Variants in RASSF8 observed in about 807,000 individuals in gnomAD.
The protein encoded by RASSF8 is ras association domain-containing protein 8.
In RASSF8, 22 loss-of-function variants were observed where a neutral mutation model predicts 48.5. The observed-to-expected ratio is 0.45, with a 90% confidence interval of 0.32 to 0.65. The LOEUF is 0.65. Among genes scored for constraint, RASSF8 ranks in the 30% least tolerant of loss-of-function variants. The pLI, the probability that RASSF8 is intolerant of heterozygous loss-of-function variation, is 0.03. For missense variants in RASSF8, 418 were observed against 489.2 expected, an observed-to-expected ratio of 0.85 and a Z score of 1.37; for synonymous variants, 127 against 171.5, an observed-to-expected ratio of 0.74 and a Z score of 2.03.
intron 2 of RASSF8, among the ~76,000 whole-genome samples, chr12:25,996,308 A>G (rs893419303): frequency 6.6e-6 from 1 of 152,234 alleles, no homozygotes; most frequent in Non-Finnish European, 1.5e-5. Flanking sequence ...TATGTAGTAC[A>G]ATTGACTAAA....
In RASSF8 at chr12:26,070,039, A is replaced by G; in HGVS notation, c.*1221A>G. 1.0e-6 allele frequency: 1 copy of G among 982,886 alleles called. No individual in the cohort carries two copies. Among genetic ancestry groups the G allele is most frequent in the Non-Finnish European group, 1.2e-6 (1 of 827,566 alleles). 60.9% of individuals were successfully genotyped at this position (982,886 alleles called of 1,614,324 possible). On this transcript the variant is annotated 3_prime_UTR_variant, in exon 6 of 6. Transcript: ENST00000689635. The stretch of plus-strand genomic sequence containing the variant: ...CTTTTTGATGAGTAGTGACTTAACT[A>G]AGATTTACAAGTAATATTTAGACAG...
intron 1 of RASSF8, among the ~76,000 whole-genome samples, chr12:25,965,389 A>C (rs533479847): frequency 4.3e-4 from 53 of 123,898 alleles, no homozygotes; most frequent in African/African-American, 1.5e-3. Flanking sequence ...TTTTTGAGAC[A>C]GGGTCTTGCT....
At chr12:26,043,095 A>G (rs1268645415) in intron 2 of RASSF8, among the ~76,000 whole-genome samples, 11 of 152,142 alleles carry the variant, frequency 7.2e-5, no homozygotes, top group Admixed American at 5.9e-4. Context: ...GCCAGCCACT[A>G]TGCTGAGGGG....
At position 26,054,320 on chromosome 12, in the gene RASSF8, G is replaced by A. The variant is rs142663425; in HGVS notation, c.-108-916G>A. On this transcript the variant is annotated intron_variant, in intron 2 of 5. Coordinates refer to ENST00000689635, the MANE Select transcript of RASSF8 (RefSeq NM_001394098.1). ...CGATACAGGAAATAAAGAATATTTGGTTTGACTATATGACAAAGTAAAAAT... is the reference window on the plus strand; with the variant it reads ...CGATACAGGAAATAAAGAATATTTGATTTGACTATATGACAAAGTAAAAAT... 1.8e-3 allele frequency among the ~76,000 whole-genome samples: 273 copies of A among 152,212 alleles called. 2 individuals carry two copies. Among genetic ancestry groups the A allele is most frequent in the African/African-American group, 6.2e-3 (259 of 41,536 alleles).
At chr12:25,970,320 C>G (rs1268292848) in intron 1 of RASSF8, among the ~76,000 whole-genome samples, 2 of 152,254 alleles carry the variant, frequency 1.3e-5, no homozygotes, top group African/African-American at 4.8e-5. Context: ...GTGTCAGTTT[C>G]TCGGGATCAG....
chr12:26,028,658 T>G (rs1486021645), intron 2 of RASSF8, among the ~76,000 whole-genome samples: 1 of 152,200 alleles, frequency 6.6e-6, no homozygotes, highest in Non-Finnish European at 1.5e-5. Context: ...CAAAAGAGGT[T>G]GAAACTTTTG....
rs771514563 is a variant in RASSF8, at chr12:26,064,609, A to G, written c.215A>G (p.Asp72Gly). The change falls in exon 4 of 6, where the codon GAT becomes GGT. Residue 72 changes from aspartate to glycine, a missense_variant. Physicochemically the swap from Asp to Gly is moderately conservative, Grantham distance 94. Transcript: ENST00000689635. ...SLNKWGQYAS[D>G]VQLILRRTGP... ...AACAAATGGGGGCAGTATGCTAGTG[A>G]TGTGCAGCTCATTCTACGACGAACT... The G allele has an allele frequency of 6.2e-7, 1 of 1,614,178 alleles. No individual in the cohort carries two copies. Among genetic ancestry groups the G allele is most frequent in the South Asian group, 1.1e-5 (1 of 91,078 alleles).
Position 26,070,458 on chromosome 12 carries a change from T to A in RASSF8, c.*1640T>A, listed in dbSNP as rs1051331976. On this transcript the variant is annotated 3_prime_UTR_variant, in exon 6 of 6. Coordinates refer to ENST00000689635, the MANE Select transcript of RASSF8 (RefSeq NM_001394098.1). ...AAGTGGCGGACCTCAACTGAAGATA[T>A]GAGTTTCTTTGGGTTCTTGGAGTTA... The A allele has an allele frequency of 1.4e-5, 14 of 984,712 alleles. No individual in the cohort carries two copies. The highest frequency in any genetic ancestry group is 1.2e-6 in the Non-Finnish European group (1 of 829,400). 61.0% of individuals were successfully genotyped at this position (984,712 alleles called of 1,614,324 possible).
intron 2 of RASSF8, among the ~76,000 whole-genome samples, chr12:26,022,968 A>G (rs762797048): frequency 2.0e-5 from 3 of 152,164 alleles, no homozygotes; most frequent in African/African-American, 4.8e-5. Context: ...GCTGGTCTCA[A>G]ACTCGCGACC....
At chr12:26,028,783 G>T (rs1250484588) in intron 2 of RASSF8, among the ~76,000 whole-genome samples, 2 of 152,172 alleles carry the variant, frequency 1.3e-5, no homozygotes, top group Non-Finnish European at 2.9e-5. Flanking sequence ...TATATGTAAG[G>T]AGGGATGAAT....
At chr12:26,001,584 A>C (rs1942259237) in intron 2 of RASSF8, among the ~76,000 whole-genome samples, 3 of 151,992 alleles carry the variant, frequency 2.0e-5, no homozygotes, top group African/African-American at 7.3e-5. Context: ...CTTTTTTGTT[A>C]AAAACTAAGA....
Position 25,978,201 on chromosome 12 carries a change from C to T in RASSF8, c.-202-16836C>T, listed in dbSNP as rs528906609. Among the ~76,000 whole-genome samples, 11 of 152,270 alleles carry T rather than the reference C, an allele frequency of 7.2e-5. No homozygotes were observed. The East Asian group carries it at 1.9e-3, about 27-fold the overall frequency. On this transcript the variant is annotated intron_variant, in intron 1 of 5. Transcript: ENST00000689635. ...ATTCTAGCTGAGTATGTAGAAGCTT[C>T]TGAGATTCTGATGCAGAAAGCCGAT...
Position 26,064,732 on chromosome 12 carries a change from G to A in RASSF8, c.338G>A (p.Arg113Lys). ...RQSLPPLAKL[R>K]PQIDKSIKRR... Reference sequence around the variant, plus strand: ...AGTCTGCCCCCCTTAGCTAAACTGAGGCCTCAGATTGACAAATCAATCAAA... The same window carrying A: ...AGTCTGCCCCCCTTAGCTAAACTGAAGCCTCAGATTGACAAATCAATCAAA... Residue 113 changes from arginine to lysine, a missense_variant, in exon 4 of 6, where the codon AGG (arginine) becomes AAG (lysine). Coordinates refer to ENST00000689635, the MANE Select transcript of RASSF8 (RefSeq NM_001394098.1). 3.7e-6 allele frequency: 6 copies of A among 1,614,064 alleles called. No homozygotes were observed. The highest frequency in any genetic ancestry group is 5.1e-6 in the Non-Finnish European group (6 of 1,180,012).
In RASSF8 at chr12:26,070,585, G is replaced by T. The variant is rs1943977722; in HGVS notation, c.*1767G>T. 1 of 969,644 alleles carries T rather than the reference G, an allele frequency of 1.0e-6. No homozygotes were observed. Among genetic ancestry groups the T allele is most frequent in the African/African-American group, 1.8e-5 (1 of 56,908 alleles). The allele number at this position is 969,644 out of a possible 1,614,324, so 60.1% of individuals were successfully genotyped here. A position where few individuals can be genotyped will look rare whatever the true frequency, so the allele number is the denominator to read the frequency against. Reference sequence around the variant, plus strand: ...ACACATTTGCTCACAATTTATAGTAGTTATTTTCTATCTACCTATATTTAA... The same window carrying T: ...ACACATTTGCTCACAATTTATAGTATTTATTTTCTATCTACCTATATTTAA... On this transcript the variant is annotated 3_prime_UTR_variant, in exon 6 of 6. Coordinates refer to ENST00000689635, the MANE Select transcript of RASSF8 (RefSeq NM_001394098.1).
In RASSF8 at chr12:25,959,124, G is replaced by C. The variant is rs906496588; in HGVS notation, c.-227G>C. The C allele has an allele frequency of 6.6e-6, 1 of 151,178 alleles. No homozygotes were observed. The highest frequency in any genetic ancestry group is 1.5e-5 in the Non-Finnish European group (1 of 67,766). 9.4% of individuals were successfully genotyped at this position (151,178 alleles called of 1,614,324 possible). A position where few individuals can be genotyped will look rare whatever the true frequency, so the allele number is the denominator to read the frequency against. On this transcript the variant is annotated 5_prime_UTR_variant, in exon 1 of 6. Coordinates refer to ENST00000689635, the MANE Select transcript of RASSF8 (RefSeq NM_001394098.1). ...CGGCCGGCCCCTCTGGGCGGCCTGC[G>C]GGGGCGGCGCAGTTGCGAAACTGAG...
chr12:26,060,451 A>C (rs931577215), intron 3 of RASSF8, among the ~76,000 whole-genome samples: 2 of 152,190 alleles, frequency 1.3e-5, no homozygotes, highest in African/African-American at 4.8e-5. Context: ...AAAATAACTA[A>C]ATGTCATCAG....
At chr12:26,073,762 C>CT (rs1944041741), downstream of RASSF8, among the ~76,000 whole-genome samples, 3 of 136,300 alleles carry the variant, frequency 2.2e-5, no homozygotes, top group South Asian at 4.7e-4. Context: ...CACACACACA[C>CT]ACACACACAC....
chr12:26,018,976 T>C (rs989536685), intron 2 of RASSF8, among the ~76,000 whole-genome samples: 7 of 152,204 alleles, frequency 4.6e-5, no homozygotes, highest in African/African-American at 1.7e-4. Context: ...GGTTCAGCCA[T>C]AGTGGTGAAG....
At chr12:26,058,715 A>C (rs1462049336) in intron 3 of RASSF8, among the ~76,000 whole-genome samples, 2 of 152,236 alleles carry the variant, frequency 1.3e-5, no homozygotes, top group Non-Finnish European at 2.9e-5. Context: ...GGTTTTCTTC[A>C]TGCTACTAAT....
Sources: allele counts gnomAD v4.1 joint callset (sites outside exome capture counted in the v4.1 genomes callset), GRCh38; gene constraint gnomAD v4.1.1; transcripts MANE v1.5; gene names NCBI Gene and HGNC (gene_info 2026-07-23, HGNC 2026-07-21).